MAP2: variants seen among roughly 807,000 people sequenced by gnomAD.
MAP2 encodes the protein microtubule-associated protein 2.
A neutral mutation model predicts 137.6 loss-of-function variants in MAP2; 14 were observed. The observed-to-expected ratio is 0.10, with a 90% CI of 0.07 to 0.16. MAP2 has a LOEUF of 0.16. Ranked by LOEUF, MAP2 falls within the 10% of genes least tolerant of loss-of-function variation. The pLI is 1.00. For missense variants in MAP2, 2,088 were observed against 2,191.5 expected, an observed-to-expected ratio of 0.95 and a Z score of 0.94; for synonymous variants, 786 against 782.3, an observed-to-expected ratio of 1.00 and a Z score of -0.08.
At chr2:209,530,879 C>T (rs1364613719) in intron 2 of MAP2, among the ~76,000 whole-genome samples, 3 of 152,042 alleles carry the variant, frequency 2.0e-5, no homozygotes, top group Non-Finnish European at 4.4e-5. Flanking sequence ...GTCTTTTCTC[C>T]CATATTGTTC....
intron 1 of MAP2, among the ~76,000 whole-genome samples, chr2:209,465,943 CTG>C (rs960734335): frequency 6.6e-6 from 1 of 152,146 alleles, no homozygotes; most frequent in Non-Finnish European, 1.5e-5. Flanking sequence ...TTAGTTAAGA[CTG>C]TTGCAGAAGG....
intron 1 of MAP2, among the ~76,000 whole-genome samples, chr2:209,428,068 G>C (rs1468346655): frequency 1.3e-5 from 2 of 152,188 alleles, no homozygotes; most frequent in Admixed American, 6.5e-5. Context: ...TTTATTGGAA[G>C]GAGTTTTACA....
intron 4 of MAP2, among the ~76,000 whole-genome samples, chr2:209,646,850 G>A (rs12616589): frequency 0.16 from 24,001 of 151,804 alleles, 2,691 homozygotes; most frequent in African/African-American, 0.31. Context: ...TATCACTTCT[G>A]TTTCTTTAGA....
chr2:209,613,601 G>A (rs1580620242), intron 3 of MAP2, among the ~76,000 whole-genome samples: 1 of 146,384 alleles, frequency 6.8e-6, no homozygotes, highest in Admixed American at 6.7e-5. Context: ...TGGGGCTAGC[G>A]GAGAAGAGCT....
At chr2:209,570,752 T>G (rs288079) in intron 2 of MAP2, among the ~76,000 whole-genome samples, 1 of 151,680 alleles carries the variant, frequency 6.6e-6, no homozygotes, top group Non-Finnish European at 1.5e-5. Context: ...TAAATGAACC[T>G]AAAAGGAAAT....
At chr2:209,653,822 C>A (rs1347181249) in intron 5 of MAP2, among the ~76,000 whole-genome samples, 1 of 152,112 alleles carries the variant, frequency 6.6e-6, no homozygotes, top group Non-Finnish European at 1.5e-5. Context: ...CAGAAAAAAG[C>A]AAAATACGTA....
intron 5 of MAP2, among the ~76,000 whole-genome samples, chr2:209,653,707 A>C (rs2094950062): frequency 6.6e-6 from 1 of 152,184 alleles, no homozygotes; most frequent in South Asian, 2.1e-4. Flanking sequence ...AACTGTCAGC[A>C]TTTTAACTCA....
chr2:209,528,104 C>A (rs540304247), intron 2 of MAP2, among the ~76,000 whole-genome samples: 6 of 143,348 alleles, frequency 4.2e-5, no homozygotes, highest in East Asian at 1.9e-4. Flanking sequence ...ATCTTCCCCC[C>A]CTGCCCACCC....
At chr2:209,706,283 T>G (rs761824601) in intron 12 of MAP2, among the ~76,000 whole-genome samples, 3 of 152,064 alleles carry the variant, frequency 2.0e-5, no homozygotes, top group Non-Finnish European at 4.4e-5. Flanking sequence ...TATATAATGC[T>G]CCAATCATTA....
At chr2:209,583,032 A>G (rs2076844702) in intron 3 of MAP2, among the ~76,000 whole-genome samples, 1 of 152,020 alleles carries the variant, frequency 6.6e-6, no homozygotes, top group Non-Finnish European at 1.5e-5. Context: ...GTACCTAGTC[A>G]TTGTCTTGAT....
intron 1 of MAP2, among the ~76,000 whole-genome samples, chr2:209,459,421 A>G (rs75188897): frequency 0.023 from 3,452 of 152,182 alleles, 137 homozygotes; most frequent in African/African-American, 0.079. Flanking sequence ...CATAACTGGG[A>G]CCACTAGATA....
chr2:209,717,651 A>G (rs1301973833), intron 13 of MAP2, among the ~76,000 whole-genome samples: 1 of 152,190 alleles, frequency 6.6e-6, no homozygotes, highest in East Asian at 1.9e-4. Flanking sequence ...ATTAACATGT[A>G]AGCATATTTA....
rs2059776737 is a variant in MAP2, at chr2:209,694,783, G to A, written c.2613G>A (p.Val871=). ...DSQLEDLGYC[V]FNKYTVPLPS... ...AGCTCGAAGACCTGGGCTACTGTGT[G>A]TTCAATAAGTACACAGTCCCATTGC... Residue 871 remains valine (V), a synonymous_variant, in exon 8 of 16, where the codon GTG becomes GTA. Coordinates refer to ENST00000682079, the MANE Select transcript of MAP2 (RefSeq NM_001375505.1). 6.2e-6 allele frequency: 10 copies of A among 1,614,052 alleles called. No homozygotes were observed. Among genetic ancestry groups the A allele is most frequent in the Non-Finnish European group, 8.5e-6 (10 of 1,180,020 alleles).
intron 1 of MAP2, among the ~76,000 whole-genome samples, chr2:209,472,189 A>C (rs1198350017): frequency 2.0e-5 from 3 of 152,218 alleles, no homozygotes; most frequent in African/African-American, 7.2e-5. Flanking sequence ...CATATCTGTC[A>C]TCTCACATAG....
intron 3 of MAP2, among the ~76,000 whole-genome samples, chr2:209,608,274 C>T (rs2085502704): frequency 6.6e-6 from 1 of 151,272 alleles, no homozygotes; most frequent in African/African-American, 2.4e-5. Context: ...TAGTGGCTAC[C>T]CATTTCTCCT....
intron 2 of MAP2, among the ~76,000 whole-genome samples, chr2:209,551,283 G>A (rs1204190100): frequency 2.6e-5 from 4 of 152,066 alleles, no homozygotes; most frequent in African/African-American, 9.7e-5. Flanking sequence ...AAAAAGTGTG[G>A]TCTTGATGGT....
At position 209,710,154 on chromosome 2, in the gene MAP2, A is replaced by G. The variant is rs779122339; in HGVS notation, c.4973A>G (p.Lys1658Arg). ...CCTCCAAAATCTCCTGCGACTCCCAAGCAGCTTCGGCTTATTAACCAACCA... is the reference window on the plus strand; with the variant it reads ...CCTCCAAAATCTCCTGCGACTCCCAGGCAGCTTCGGCTTATTAACCAACCA... ...RTPPKSPATPKQLRLINQPLP... is the reference protein window; with the variant it reads ...RTPPKSPATPRQLRLINQPLP... The change falls in exon 13 of 16, where the codon AAG (lysine) becomes AGG (arginine). Residue 1658 changes from lysine to arginine, a missense_variant. This residue lies in a region of MAP2 where 591 missense variants were observed against 642.6 expected (regional missense o/e 0.92). Coordinates refer to ENST00000682079, the MANE Select transcript of MAP2 (RefSeq NM_001375505.1). 10 of 1,613,866 alleles carry G rather than the reference A, an allele frequency of 6.2e-6. No individual in the cohort carries two copies. The highest frequency in any genetic ancestry group is 8.5e-6 in the Non-Finnish European group (10 of 1,179,986).
chr2:209,453,337 G>A (rs1250642649), intron 1 of MAP2, among the ~76,000 whole-genome samples: 1 of 151,966 alleles, frequency 6.6e-6, no homozygotes, highest in Non-Finnish European at 1.5e-5. Context: ...TAACGGTTTG[G>A]CATTTTGCTT....
Position 209,692,612 on chromosome 2 carries a change from C to T in MAP2, c.455-13C>T, listed in dbSNP as rs759660143. On this transcript the variant is annotated splice_polypyrimidine_tract_variant and intron_variant, in intron 7 of 15. Coordinates refer to ENST00000682079, the MANE Select transcript of MAP2 (RefSeq NM_001375505.1). ...GCCTATTATTTGTTTAAAAATCAAC[C>T]CGATTACTTCAGATTTACTTACAGC... 3 of 1,533,240 alleles carry T rather than the reference C, an allele frequency of 2.0e-6. No individual in the cohort carries two copies. Among genetic ancestry groups the T allele is most frequent in the Non-Finnish European group, 2.6e-6 (3 of 1,144,908 alleles). 95.0% of individuals were successfully genotyped at this position (1,533,240 alleles called of 1,614,324 possible). A position where few individuals can be genotyped will look rare whatever the true frequency, so the allele number is the denominator to read the frequency against.
Sources: allele counts gnomAD v4.1 joint callset (sites outside exome capture counted in the v4.1 genomes callset), GRCh38; gene constraint gnomAD v4.1.1; regional missense constraint gnomAD v4.1.1; transcripts MANE v1.5; gene names NCBI Gene and HGNC (gene_info 2026-07-23, HGNC 2026-07-21).